The following TMEM132C variants were observed in gnomAD, a reference collection of about 807,000 sequenced individuals.
TMEM132C encodes the protein protein phosphatase 1, regulatory subunit 152.
Under a neutral mutation model 61.4 loss-of-function variants are expected in TMEM132C, and 29 were observed. That is an observed-to-expected ratio of 0.47 (90% CI 0.35 to 0.64). TMEM132C has a LOEUF of 0.64. Ranked by LOEUF, TMEM132C falls within the 30% of genes least tolerant of loss-of-function variation. The pLI is 0.00. For synonymous variants in TMEM132C, 656 were observed against 633.1 expected (o/e 1.04, Z -0.54); for missense variants, 1,408 against 1,476.9 (o/e 0.95, Z 0.76).
intron 4 of TMEM132C, among the ~76,000 whole-genome samples, chr12:128,636,564 T>TGTGTG (rs1565998396): frequency 0.017 from 2,431 of 142,344 alleles, 66 homozygotes; most frequent in African/African-American, 0.06. Context: ...GGGTTTTTGT[T>TGTGTG]TGTGTGTGTG....
At chr12:128,467,108 G>A (rs1487216722) in intron 2 of TMEM132C, among the ~76,000 whole-genome samples, 1 of 152,140 alleles carries the variant, frequency 6.6e-6, no homozygotes, top group African/African-American at 2.4e-5. Flanking sequence ...CATGGAATTG[G>A]GAACTCATGG....
chr12:128,592,360 G>A (rs772597544), intron 3 of TMEM132C, among the ~76,000 whole-genome samples: 21 of 152,182 alleles, frequency 1.4e-4, no homozygotes, highest in Non-Finnish European at 1.5e-4. Flanking sequence ...AGAAGCTCCC[G>A]TGTTTGCATC....
chr12:128,571,590 A>G (rs1330136101), intron 3 of TMEM132C, among the ~76,000 whole-genome samples: 3 of 152,116 alleles, frequency 2.0e-5, no homozygotes, highest in Non-Finnish European at 1.5e-5. Flanking sequence ...TAATGGTTCT[A>G]TTTTCTGTCT....
At chr12:128,553,168 AC>A (rs555072216) in intron 3 of TMEM132C, among the ~76,000 whole-genome samples, 265 of 152,280 alleles carry the variant, frequency 1.7e-3, no homozygotes, top group African/African-American at 6.1e-3. Context: ...AAATTGCAAA[AC>A]AATCTCATAA....
In TMEM132C at chr12:128,651,867, G is replaced by A. The variant is rs116241731; in HGVS notation, c.1306-17550G>A. On this transcript the variant is annotated intron_variant, in intron 4 of 8. Coordinates refer to ENST00000435159, the MANE Select transcript of TMEM132C (RefSeq NM_001136103.3). ...AACATGATGGAGTGGAGGAGAAGCA[G>A]GGAGGAAACCAAGGGGTCCAATTCC... Among the ~76,000 whole-genome samples the A allele has an allele frequency of 4.0e-3, 551 of 138,968 alleles. 2 individuals are homozygous for A. Among genetic ancestry groups the A allele is most frequent in the African/African-American group, 0.015 (520 of 34,852 alleles). The allele number at this position is 138,968 out of a possible 152,430, so 91.2% of individuals were successfully genotyped here. A position where few individuals can be genotyped will look rare whatever the true frequency, so the allele number is the denominator to read the frequency against.
At chr12:128,686,945 C>T (rs1267366620) in intron 5 of TMEM132C, among the ~76,000 whole-genome samples, 1 of 151,796 alleles carries the variant, frequency 6.6e-6, no homozygotes, top group African/African-American at 2.4e-5. Context: ...ACCTGTAATC[C>T]CAGCAATTTA....
At chr12:128,341,256 T>G (rs558499223) in intron 1 of TMEM132C, among the ~76,000 whole-genome samples, 2 of 152,294 alleles carry the variant, frequency 1.3e-5, no homozygotes, top group South Asian at 4.1e-4. Flanking sequence ...CCAGCTTCTG[T>G]GTTGCTTTTC....
At chr12:128,296,598 C>G (rs527775527) in intron 1 of TMEM132C, among the ~76,000 whole-genome samples, 81 of 152,264 alleles carry the variant, frequency 5.3e-4, no homozygotes, top group African/African-American at 1.9e-3. Flanking sequence ...ATTTAGAGCA[C>G]AGAGCCATTC....
At chr12:128,293,033 A>G (rs1182348803) in intron 1 of TMEM132C, among the ~76,000 whole-genome samples, 1 of 149,462 alleles carries the variant, frequency 6.7e-6, no homozygotes, top group Non-Finnish European at 1.5e-5. Context: ...TTGATTTTCA[A>G]AAAATTTGAA....
chr12:128,340,026 T>C (rs1170671979), intron 1 of TMEM132C, among the ~76,000 whole-genome samples: 1 of 152,244 alleles, frequency 6.6e-6, no homozygotes, highest in Non-Finnish European at 1.5e-5. Flanking sequence ...ATGGTTCTTT[T>C]GAGTTTACAG....
chr12:128,323,108 C>T (rs566128894), intron 1 of TMEM132C, among the ~76,000 whole-genome samples: 88 of 152,234 alleles, frequency 5.8e-4, no homozygotes, highest in Non-Finnish European at 1.1e-3. Context: ...TAATATTCAT[C>T]GTTGTGGGTG....
At chr12:128,530,483 G>A (rs762964496) in intron 2 of TMEM132C, among the ~76,000 whole-genome samples, 6 of 150,004 alleles carry the variant, frequency 4.0e-5, no homozygotes, top group Admixed American at 1.3e-4. Flanking sequence ...TCACTCTGTT[G>A]CCCAGGCTGG....
intron 3 of TMEM132C, among the ~76,000 whole-genome samples, chr12:128,569,921 A>C (rs958566870): frequency 2.6e-5 from 4 of 152,220 alleles, no homozygotes; most frequent in African/African-American, 7.2e-5. Context: ...CCAACCTCAG[A>C]TACATTGAAG....
chr12:128,291,539 G>A (rs1410200490), intron 1 of TMEM132C, among the ~76,000 whole-genome samples: 4 of 152,336 alleles, frequency 2.6e-5, no homozygotes, highest in Admixed American at 2.0e-4. Flanking sequence ...AAAGGGGGAG[G>A]AGAGTCTGGG....
chr12:128,299,294 CT>C (rs1476813676), intron 1 of TMEM132C, among the ~76,000 whole-genome samples: 4 of 152,192 alleles, frequency 2.6e-5, no homozygotes, highest in African/African-American at 9.7e-5. Flanking sequence ...ATCTTCTACA[CT>C]GAATCCATGT....
intron 3 of TMEM132C, among the ~76,000 whole-genome samples, chr12:128,607,313 A>G (rs901115471): frequency 7.2e-5 from 11 of 152,192 alleles, no homozygotes; most frequent in Admixed American, 4.6e-4. Context: ...GGGTGGCACC[A>G]GTTAGGCTCA....
intron 1 of TMEM132C, among the ~76,000 whole-genome samples, chr12:128,292,661 A>AC (rs147547435): frequency 0.52 from 64,342 of 122,756 alleles, 18,223 homozygotes; most frequent in East Asian, 0.74. Context: ...TAGATGAGGT[A>AC]TTCATAAGTG....
chr12:128,463,970 A>G (rs1870633007), intron 2 of TMEM132C, among the ~76,000 whole-genome samples: 1 of 150,890 alleles, frequency 6.6e-6, no homozygotes, highest in African/African-American at 2.4e-5. Flanking sequence ...AACCACCAAC[A>G]CTCTGGCATT....
intron 1 of TMEM132C, among the ~76,000 whole-genome samples, chr12:128,386,918 C>T (rs1042908944): frequency 2.6e-5 from 4 of 151,918 alleles, no homozygotes; most frequent in Non-Finnish European, 5.9e-5. Context: ...CCCTTGAAGC[C>T]AGGAGTTTGA....
Sources: allele counts gnomAD v4.1 joint callset (sites outside exome capture counted in the v4.1 genomes callset), GRCh38; gene constraint gnomAD v4.1.1; transcripts MANE v1.5; gene names NCBI Gene and HGNC (gene_info 2026-07-23, HGNC 2026-07-21).